SLC12A2: variants seen among roughly 807,000 people sequenced by gnomAD.
The protein encoded by SLC12A2 is solute carrier family 12 member 2, also known as Na-K-2Cl cotransporter 1.
Under a neutral mutation model 136.3 loss-of-function variants are expected in SLC12A2, and 67 were observed. That is an observed-to-expected ratio of 0.49 (90% CI 0.40 to 0.60). The LOEUF (loss-of-function observed/expected upper bound fraction) is 0.60. SLC12A2 is among the 20% of genes least tolerant of loss of function. SLC12A2 has a pLI of 0.00. For missense variants in SLC12A2, 1,322 were observed against 1,534.7 expected, an observed-to-expected ratio of 0.86 and a Z score of 2.32; for synonymous variants, 619 against 562.9, an observed-to-expected ratio of 1.10 and a Z score of -1.41.
At chr5:128,183,836 T>C (rs182476329) in intron 24 of SLC12A2, among the ~76,000 whole-genome samples, 7 of 152,082 alleles carry the variant, frequency 4.6e-5, no homozygotes, top group African/African-American at 1.7e-4. Flanking sequence ...TTATTTAGGC[T>C]GAGAGAAAAT....
At chr5:128,088,932 G>A (rs1422035527) in intron 1 of SLC12A2, among the ~76,000 whole-genome samples, 1 of 152,144 alleles carries the variant, frequency 6.6e-6, no homozygotes, top group Non-Finnish European at 1.5e-5. Flanking sequence ...ACTTTGGGAG[G>A]CCGAGGCGGG....
chr5:128,115,153 G>A (rs1174222286), intron 4 of SLC12A2, among the ~76,000 whole-genome samples: 2 of 152,156 alleles, frequency 1.3e-5, no homozygotes, highest in African/African-American at 2.4e-5. Context: ...TGGAGATGGA[G>A]TCTCACTCTC....
At chr5:128,137,325 T>C (rs1421170422) in intron 7 of SLC12A2, among the ~76,000 whole-genome samples, 1 of 152,192 alleles carries the variant, frequency 6.6e-6, no homozygotes, top group Non-Finnish European at 1.5e-5. Context: ...GGTCTTCATA[T>C]ATGTTGTTTC....
chr5:128,157,978 A>C (rs1244136442), intron 15 of SLC12A2, 75 bp from the exon 16 acceptor site: 1 of 1,225,336 alleles, frequency 8.2e-7, no homozygotes, highest in Non-Finnish European at 1.2e-6. Context: ...AAAGCTTCTT[A>C]GGGAAACAAC....
intron 7 of SLC12A2, among the ~76,000 whole-genome samples, chr5:128,136,421 A>G (rs1762195741): frequency 6.6e-6 from 1 of 152,112 alleles, no homozygotes; most frequent in Non-Finnish European, 1.5e-5. Context: ...ATACCTGCAC[A>G]GTTTCTCTAT....
At chr5:128,127,116 ATTTTTTTTTT>A (rs35726459) in intron 4 of SLC12A2, among the ~76,000 whole-genome samples, 3 of 68,734 alleles carry the variant, frequency 4.4e-5, no homozygotes, top group Non-Finnish European at 7.5e-5. Flanking sequence ...TTGGTCTGGA[ATTTTTTTTTT>A]TTTTTTTTTT....
chr5:128,100,321 C>T (rs938164078), intron 1 of SLC12A2, among the ~76,000 whole-genome samples: 1 of 152,054 alleles, frequency 6.6e-6, no homozygotes, highest in African/African-American at 2.4e-5. Flanking sequence ...CCTCAGTTTC[C>T]TTATATGAAA....
intron 1 of SLC12A2, among the ~76,000 whole-genome samples, chr5:128,087,793 G>A (rs1469603336): frequency 2.0e-5 from 3 of 152,102 alleles, no homozygotes; most frequent in Non-Finnish European, 4.4e-5. Flanking sequence ...GTAAAGGTTG[G>A]TGGCACAAAG....
intron 1 of SLC12A2, among the ~76,000 whole-genome samples, chr5:128,108,275 A>G (rs540082318): frequency 6.6e-6 from 1 of 152,208 alleles, no homozygotes; most frequent in South Asian, 2.1e-4. Context: ...TTCAAGAATT[A>G]TATTATGGTC....
intron 25 of SLC12A2, 116 bp downstream of exon 25, chr5:128,184,617 GATTT>G (rs1763810567): frequency 1.5e-6 from 2 of 1,319,738 alleles, no homozygotes; most frequent in African/African-American, 1.5e-5. Flanking sequence ...CTTTAAAATA[GATTT>G]ATTTGAGGTT....
chr5:128,137,748 T>C (rs1355155782), intron 7 of SLC12A2, among the ~76,000 whole-genome samples: 1 of 152,054 alleles, frequency 6.6e-6, no homozygotes, highest in Admixed American at 6.5e-5. Flanking sequence ...CTAGGTCTAG[T>C]TGAAGCTTTT....
At position 128,150,102 on chromosome 5, in the gene SLC12A2, AT is replaced by A; in HGVS notation, c.2107+8del. 6.5e-7 allele frequency: 1 copy of A among 1,541,734 alleles called. No individual in the cohort carries two copies. Reference sequence around the variant, plus strand: ...GCATCACTTGCAAAATCTCCAGGTAATTTTACATTTTTAAAAAAGTTTGTAA... The same window carrying A: ...GCATCACTTGCAAAATCTCCAGGTAATTTACATTTTTAAAAAAGTTTGTAA... On this transcript the variant is annotated splice_donor_5th_base_variant and intron_variant, in intron 13 of 26. Transcript: ENST00000262461.
At chr5:128,142,919 A>G (rs1020734439) in intron 10 of SLC12A2, among the ~76,000 whole-genome samples, 15 of 152,174 alleles carry the variant, frequency 9.9e-5, no homozygotes, top group Admixed American at 5.9e-4. Flanking sequence ...GTTTCTGGTT[A>G]CATGGATGAA....
At chr5:128,124,516 C>T (rs1258236638) in intron 4 of SLC12A2, among the ~76,000 whole-genome samples, 3 of 152,022 alleles carry the variant, frequency 2.0e-5, no homozygotes, top group Non-Finnish European at 2.9e-5. Flanking sequence ...AGCTTACTAT[C>T]ATCAGTTTAT....
chr5:128,146,505 C>T (rs1319738273), intron 10 of SLC12A2, among the ~76,000 whole-genome samples: 2 of 149,682 alleles, frequency 1.3e-5, no homozygotes, highest in East Asian at 1.9e-4. Context: ...CACCTGAATT[C>T]ATGATCTTAG....
In SLC12A2 at chr5:128,158,132, G is replaced by T; in HGVS notation, c.2443G>T (p.Val815Phe). The change falls in exon 16 of 27, where the codon GTT (valine) becomes TTT (phenylalanine). Residue 815 changes from valine (V) to phenylalanine (F), a missense_variant. By Grantham distance (50) the Val-to-Phe change is conservative. Around this residue, in one of 8 missense-constraint regions of SLC12A2, gnomAD observed 294 missense variants for 436.6 expected, o/e 0.67. Transcript: ENST00000262461. ...LHLVHDFTKN[V>F]GLMICGHVHM... ...TCTTGTTCATGATTTCACAAAAAAT[G>T]TTGGTTTGATGATCTGTGGCCATGT... 6.2e-7 allele frequency: 1 copy of T among 1,613,262 alleles called. No homozygotes were observed. Among genetic ancestry groups the T allele is most frequent in the Non-Finnish European group, 8.5e-7 (1 of 1,179,566 alleles).
intron 1 of SLC12A2, among the ~76,000 whole-genome samples, chr5:128,108,887 TG>T (rs1369159907): frequency 1.3e-5 from 2 of 152,204 alleles, no homozygotes; most frequent in Non-Finnish European, 2.9e-5. Flanking sequence ...TCCATAAGCC[TG>T]GGGGCATCCT....
intron 12 of SLC12A2, 47 bp from the exon 13 acceptor site, chr5:128,149,950 T>C (rs775596278): frequency 4.7e-6 from 6 of 1,263,924 alleles, no homozygotes; most frequent in Non-Finnish European, 6.9e-6. Context: ...TTTTAAAAAG[T>C]TAAATGTCTA....
At chr5:128,106,439 A>G (rs1468583810) in intron 1 of SLC12A2, among the ~76,000 whole-genome samples, 2 of 152,206 alleles carry the variant, frequency 1.3e-5, no homozygotes, top group East Asian at 3.8e-4. Context: ...TTAAAGAAAC[A>G]AAAGATGTGT....
Sources: allele counts gnomAD v4.1 joint callset (sites outside exome capture counted in the v4.1 genomes callset), GRCh38; gene constraint gnomAD v4.1.1; regional missense constraint gnomAD v4.1.1; transcripts MANE v1.5; gene names NCBI Gene and HGNC (gene_info 2026-07-23, HGNC 2026-07-21).